Variants in LPAR3 observed in about 807,000 individuals in gnomAD.
The protein encoded by LPAR3 is LPA receptor 3.
LPAR3 carries 7 observed loss-of-function variants against 17.8 expected under a neutral mutation model. That is an observed-to-expected ratio of 0.39 (90% confidence interval 0.22 to 0.74). The LOEUF is 0.74. LPAR3 is among the 30% of genes least tolerant of loss of function. The pLI, the probability that LPAR3 is intolerant of heterozygous loss-of-function variation, is 0.40. For missense variants in LPAR3, 391 were observed against 453.4 expected (o/e 0.86, Z 1.25); for synonymous variants, 179 against 179.9 (o/e 0.99, Z 0.04).
intron 2 of LPAR3, among the ~76,000 whole-genome samples, chr1:84,857,438 A>C (rs1659850132): frequency 9.2e-5 from 14 of 152,162 alleles, no homozygotes; most frequent in Admixed American, 9.2e-4. Context: ...CACAACTTGG[A>C]ATTGACAAAG....
intron 1 of LPAR3, among the ~76,000 whole-genome samples, chr1:84,892,036 A>AC (rs1660561112): frequency 6.6e-6 from 1 of 151,830 alleles, no homozygotes; most frequent in Non-Finnish European, 1.5e-5. Flanking sequence ...ACACAGTGGA[A>AC]CCCCGTCTCT....
rs141190490 is a variant in LPAR3 at position 84,877,957 on chromosome 1, T to A, written c.-18-11819A>T. Among the ~76,000 whole-genome samples the A allele has an allele frequency of 4.9e-4, 75 of 151,948 alleles. No individual in the cohort carries two copies. The East Asian group carries it at 0.013, about 26-fold the overall frequency. ...GTTATAAGGGGATTTGGAAACCTGA[T>A]GACAATTGTGTTGAACAATGTTAGG... On this transcript the variant is annotated intron_variant, in intron 1 of 2. Coordinates refer to ENST00000370611, the MANE Select transcript of LPAR3 (RefSeq NM_012152.3).
At chr1:84,891,698 C>T (rs995160082) in intron 1 of LPAR3, among the ~76,000 whole-genome samples, 3 of 152,108 alleles carry the variant, frequency 2.0e-5, no homozygotes, top group Non-Finnish European at 4.4e-5. Context: ...AAACGTTGTG[C>T]GGTACATGGA....
intron 1 of LPAR3, among the ~76,000 whole-genome samples, chr1:84,879,601 A>G (rs979011144): frequency 5.9e-5 from 9 of 151,910 alleles, no homozygotes; most frequent in African/African-American, 1.9e-4. Flanking sequence ...GTGAGCCACC[A>G]CGCCCAGCCC....
At chr1:84,850,081 A>G (rs912734060) in intron 2 of LPAR3, among the ~76,000 whole-genome samples, 3 of 152,218 alleles carry the variant, frequency 2.0e-5, no homozygotes, top group Non-Finnish European at 2.9e-5. Flanking sequence ...GAGCCAGAGG[A>G]GCATGAGGAT....
intron 2 of LPAR3, among the ~76,000 whole-genome samples, chr1:84,814,498 C>T (rs762766136): frequency 6.6e-6 from 1 of 152,206 alleles, no homozygotes; most frequent in Non-Finnish European, 1.5e-5. Context: ...CTGAACCACA[C>T]TGGGAGGCTT....
intron 2 of LPAR3, among the ~76,000 whole-genome samples, chr1:84,829,153 T>A (rs1289630528): frequency 1.9e-3 from 27 of 13,934 alleles, no homozygotes; most frequent in African/African-American, 7.5e-3. Flanking sequence ...CTCTCTGCAA[T>A]TTTTTTTTTT....
chr1:84,849,372 CAAA>C (rs34239236), intron 2 of LPAR3, among the ~76,000 whole-genome samples: 1 of 77,542 alleles, frequency 1.3e-5, no homozygotes, highest in South Asian at 6.2e-4. Flanking sequence ...AGACTCATCT[CAAA>C]AAAAAAAAAA....
At chr1:84,822,312 T>A (rs2102745780) in intron 2 of LPAR3, among the ~76,000 whole-genome samples, 1 of 152,312 alleles carries the variant, frequency 6.6e-6, no homozygotes, top group East Asian at 1.9e-4. Flanking sequence ...TAAACTAGTT[T>A]GAGAGTTGTA....
chr1:84,835,212 C>T (rs1043763820), intron 2 of LPAR3, among the ~76,000 whole-genome samples: 6 of 152,154 alleles, frequency 3.9e-5, no homozygotes, highest in African/African-American at 9.7e-5. Flanking sequence ...TAAGATGCAC[C>T]GTGGACTGAT....
At chr1:84,873,024 A>G (rs12032902) in intron 1 of LPAR3, among the ~76,000 whole-genome samples, 3 of 152,310 alleles carry the variant, frequency 2.0e-5, no homozygotes, top group African/African-American at 7.2e-5. Context: ...AACATTCTAC[A>G]ACATTTCTGA....
intron 2 of LPAR3, among the ~76,000 whole-genome samples, chr1:84,815,536 C>A (rs781678478): frequency 1.6e-4 from 24 of 152,054 alleles, no homozygotes; most frequent in Non-Finnish European, 3.2e-4. Flanking sequence ...AGATATAATA[C>A]CAAGCAGGGA....
chr1:84,836,838 C>T (rs949624381), intron 2 of LPAR3, among the ~76,000 whole-genome samples: 1 of 151,860 alleles, frequency 6.6e-6, no homozygotes, highest in East Asian at 1.9e-4. Context: ...AATTAAAAGC[C>T]CTATATTATT....
At chr1:84,863,951 C>A (rs369170309) in intron 2 of LPAR3, among the ~76,000 whole-genome samples, 2 of 152,162 alleles carry the variant, frequency 1.3e-5, no homozygotes, top group Non-Finnish European at 2.9e-5. Context: ...GTGGCTCACA[C>A]CTGTAATCCC....
At chr1:84,838,917 G>T (rs1659453650) in intron 2 of LPAR3, among the ~76,000 whole-genome samples, 1 of 152,144 alleles carries the variant, frequency 6.6e-6, no homozygotes, top group Non-Finnish European at 1.5e-5. Flanking sequence ...TCATTTCCGG[G>T]CTTTGTCCCT....
intron 1 of LPAR3, among the ~76,000 whole-genome samples, chr1:84,883,808 G>A (rs1026353733): frequency 1.3e-5 from 2 of 151,818 alleles, no homozygotes; most frequent in South Asian, 2.1e-4. Context: ...AATGTAAGAC[G>A]TAGATTTGTT....
intron 2 of LPAR3, among the ~76,000 whole-genome samples, chr1:84,859,316 A>T (rs560135372): frequency 6.6e-5 from 10 of 152,260 alleles, no homozygotes; most frequent in African/African-American, 2.4e-4. Flanking sequence ...TCTCTCCCCT[A>T]AGAGACAAAA....
At chr1:84,881,584 A>G (rs1032942336) in intron 1 of LPAR3, among the ~76,000 whole-genome samples, 1 of 152,216 alleles carries the variant, frequency 6.6e-6, no homozygotes, top group Non-Finnish European at 1.5e-5. Context: ...TTAACAAGGA[A>G]TGGTGACAAA....
intron 2 of LPAR3, among the ~76,000 whole-genome samples, chr1:84,841,415 T>G (rs140502154): frequency 9.2e-5 from 14 of 152,094 alleles, no homozygotes; most frequent in Non-Finnish European, 1.8e-4. Flanking sequence ...AGTTTGTCCT[T>G]TGGAGGAAAA....
Sources: gnomAD v4.1 joint callset for allele counts (sites outside exome capture counted in the v4.1 genomes callset) on GRCh38, gnomAD v4.1.1 for gene constraint, MANE v1.5 for transcripts, NCBI Gene and HGNC (gene_info 2026-07-23, HGNC 2026-07-21) for gene names.